Variants in PALM2AKAP2 observed in about 807,000 individuals in gnomAD.
PALM2AKAP2 encodes PALM2 and AKAP2 fusion.
PALM2AKAP2 carries 37 observed loss-of-function variants against 71.5 expected under a neutral mutation model. The ratio of observed to expected loss-of-function variants is 0.52; its 90% CI spans 0.40 to 0.68. The LOEUF is 0.68. Ranked by LOEUF, PALM2AKAP2 falls within the 30% of genes least tolerant of loss-of-function variation. PALM2AKAP2 has a pLI of 0.00. For synonymous variants in PALM2AKAP2, 468 were observed against 478.8 expected, an observed-to-expected ratio of 0.98 and a Z score of 0.29; for missense variants, 1,224 against 1,191.8, an observed-to-expected ratio of 1.03 and a Z score of -0.40.
At position 110,111,511 on chromosome 9, in the gene PALM2AKAP2, G is replaced by A. The variant is rs77851875; in HGVS notation, c.157-24616G>A. ...AGTGAAATTGAGGGGACTTGACTAA[G>A]TTGGGAGCTGGCAAACCCCTTGCCA... is the stretch of plus-strand genomic sequence containing the variant. On this transcript the variant is annotated intron_variant, in intron 1 of 3. Coordinates refer to ENST00000374525, the Ensembl canonical transcript of PALM2AKAP2. Among the ~76,000 whole-genome samples, 1,091 of 152,354 alleles carry A rather than the reference G, an allele frequency of 7.2e-3. 14 individuals are homozygous for A. The highest frequency in any genetic ancestry group is 0.025 in the African/African-American group (1,052 of 41,572).
chr9:109,991,026 C>T (rs1832471842), intron 6 of PALM2AKAP2, among the ~76,000 whole-genome samples: 2 of 152,102 alleles, frequency 1.3e-5, no homozygotes, highest in African/African-American at 2.4e-5. Context: ...AGGGCAATTA[C>T]CCCTTACCTC....
intron 6 of PALM2AKAP2, among the ~76,000 whole-genome samples, chr9:109,991,773 A>G (rs1304552136): frequency 6.6e-6 from 1 of 152,200 alleles, no homozygotes; most frequent in Non-Finnish European, 1.5e-5. Flanking sequence ...AAATGACACC[A>G]GGATGGTGAA....
intron 1 of PALM2AKAP2, among the ~76,000 whole-genome samples, chr9:110,121,024 A>G (rs1835474680): frequency 6.6e-6 from 1 of 152,094 alleles, no homozygotes; most frequent in South Asian, 2.1e-4. Context: ...ATTCTTCTCA[A>G]CCCTCTGCTC....
intron 7 of PALM2AKAP2, among the ~76,000 whole-genome samples, chr9:110,035,721 A>C (rs1356187214): frequency 7.8e-6 from 1 of 128,812 alleles, no homozygotes; most frequent in Non-Finnish European, 1.6e-5. Flanking sequence ...TATAACATAT[A>C]TAGGATATGT....
chr9:109,738,201 T>C (rs116525071), intron 1 of PALM2AKAP2, among the ~76,000 whole-genome samples: 4,172 of 152,302 alleles, frequency 0.027, 191 homozygotes, highest in African/African-American at 0.094. Flanking sequence ...TATTCCTCTA[T>C]TAAAGATAAG....
chr9:110,062,645 A>G (rs1833988314), intron 1 of PALM2AKAP2, among the ~76,000 whole-genome samples: 1 of 152,196 alleles, frequency 6.6e-6, no homozygotes, highest in African/African-American at 2.4e-5. Flanking sequence ...TCCAACACCT[A>G]TCTACAATGG....
At chr9:110,078,235 G>T (rs1318510617) in intron 1 of PALM2AKAP2, among the ~76,000 whole-genome samples, 1 of 152,006 alleles carries the variant, frequency 6.6e-6, no homozygotes, top group African/African-American at 2.4e-5. Flanking sequence ...ATTTAGACAG[G>T]GTGTATTCTG....
chr9:109,894,439 C>G (rs1830154626), intron 3 of PALM2AKAP2, among the ~76,000 whole-genome samples: 1 of 152,162 alleles, frequency 6.6e-6, no homozygotes, highest in Non-Finnish European at 1.5e-5. Context: ...TGGCCAAACC[C>G]AGTAATATTG....
At chr9:109,814,680 C>T (rs1437161627) in intron 1 of PALM2AKAP2, among the ~76,000 whole-genome samples, 1 of 152,190 alleles carries the variant, frequency 6.6e-6, no homozygotes, top group Non-Finnish European at 1.5e-5. Context: ...GTGGTGCTCT[C>T]AGAAGTAACT....
intron 1 of PALM2AKAP2, among the ~76,000 whole-genome samples, chr9:109,643,086 A>AAAG (rs1159381044): frequency 6.6e-6 from 1 of 151,318 alleles, no homozygotes; most frequent in Non-Finnish European, 1.5e-5. Context: ...AGAAAGAAAG[A>AAAG]AAGAGGGGGA....
intron 1 of PALM2AKAP2, among the ~76,000 whole-genome samples, chr9:109,765,874 C>G (rs961459170): frequency 2.0e-5 from 3 of 151,996 alleles, no homozygotes; most frequent in Non-Finnish European, 1.5e-5. Context: ...ACCTCCTGAG[C>G]CTGAGATGCA....
intron 6 of PALM2AKAP2, among the ~76,000 whole-genome samples, chr9:110,014,799 AAAAAATG>A (rs1832943175): frequency 3.5e-5 from 2 of 56,634 alleles, no homozygotes; most frequent in African/African-American, 1.4e-4. Context: ...AAAAAAAAAA[AAAAAATG>A]TATATATATA....
intron 1 of PALM2AKAP2, among the ~76,000 whole-genome samples, chr9:109,725,594 A>C: frequency 6.6e-6 from 1 of 152,262 alleles, no homozygotes; most frequent in East Asian, 1.9e-4. Flanking sequence ...GTTGTAAACT[A>C]TCATTAAGAG....
At chr9:110,166,467 G>A (rs1233580548) in intron 3 of PALM2AKAP2, among the ~76,000 whole-genome samples, 2 of 152,220 alleles carry the variant, frequency 1.3e-5, no homozygotes, top group Non-Finnish European at 2.9e-5. Flanking sequence ...GTGCAGTCCA[G>A]TGCTGTTTTT....
At chr9:109,783,072 G>A (rs1389325208) in intron 1 of PALM2AKAP2, among the ~76,000 whole-genome samples, 1 of 152,060 alleles carries the variant, frequency 6.6e-6, no homozygotes. Context: ...GCAGAGAATC[G>A]ACTGGGATTC....
At chr9:110,054,463 C>T (rs1833789976) in intron 1 of PALM2AKAP2, among the ~76,000 whole-genome samples, 1 of 152,174 alleles carries the variant, frequency 6.6e-6, no homozygotes, top group African/African-American at 2.4e-5. Flanking sequence ...GTTATGGAAG[C>T]ACCTTGTACA....
At chr9:109,985,619 C>A (rs375487635) in intron 6 of PALM2AKAP2, among the ~76,000 whole-genome samples, 212 of 126,736 alleles carry the variant, frequency 1.7e-3, no homozygotes, top group East Asian at 2.4e-3. Context: ...GACTCCGTCT[C>A]AAAAAAAAAA....
intron 1 of PALM2AKAP2, among the ~76,000 whole-genome samples, chr9:109,839,337 C>G (rs978139082): frequency 6.6e-5 from 10 of 152,160 alleles, no homozygotes; most frequent in Non-Finnish European, 1.2e-4. Context: ...ATTCAACAGC[C>G]CTTCATGCGA....
At chr9:109,710,368 A>C (rs1229770012) in intron 1 of PALM2AKAP2, among the ~76,000 whole-genome samples, 1 of 152,240 alleles carries the variant, frequency 6.6e-6, no homozygotes. Context: ...TGTGCAAGGC[A>C]CAAACTACAC....
Sources: allele counts gnomAD v4.1 joint callset (sites outside exome capture counted in the v4.1 genomes callset), GRCh38; gene constraint gnomAD v4.1.1; transcripts MANE v1.5; gene names NCBI Gene and HGNC (gene_info 2026-07-23, HGNC 2026-07-21).